FBXO27: variants seen among roughly 807,000 people sequenced by gnomAD.
FBXO27 encodes F-box protein 27.
Under a neutral mutation model 28.3 loss-of-function variants are expected in FBXO27, and 28 were observed. That is an observed-to-expected ratio of 0.99 (90% CI 0.73 to 1.36). The LOEUF (loss-of-function observed/expected upper bound fraction) is 1.36. FBXO27 is among the 40% of genes most tolerant of loss of function. The pLI, the probability that FBXO27 is intolerant of heterozygous loss-of-function variation, is 0.00. For missense variants in FBXO27, 388 were observed against 394.1 expected (o/e 0.98, Z 0.13); for synonymous variants, 175 against 167.3 (o/e 1.05, Z -0.36).
At chr19:39,017,508 A>C (rs2072825510) in intron 1 of FBXO27, among the ~76,000 whole-genome samples, 1 of 152,052 alleles carries the variant, frequency 6.6e-6, no homozygotes, top group Non-Finnish European at 1.5e-5. Context: ...AGCACAGCCA[A>C]CATAGTGAAA....
Position 39,025,373 on chromosome 19 carries a change from G to T in FBXO27, c.*38C>A. The T allele has an allele frequency of 6.3e-7, 1 of 1,592,688 alleles. No individual in the cohort carries two copies. On this transcript the variant is annotated 3_prime_UTR_variant, in exon 6 of 6. Transcript: ENST00000292853. ...AGCCAATGGTCCCAGGCCCTGGAAG[G>T]CACAGTCAGGCTGTCTTGCAAGAAG... is the stretch of plus-strand genomic sequence containing the variant.
rs77280255 is a variant in FBXO27, at chr19:39,014,916, G to A, written c.92-369C>T. Among the ~76,000 whole-genome samples, 8 of 151,864 alleles carry A rather than the reference G, an allele frequency of 5.3e-5. No individual in the cohort carries two copies. The East Asian group carries it at 1.4e-3, about 26-fold the overall frequency. ...GCCTGTAATCCCAACTACTTGGGAG[G>A]CTGAGGCAAGAGAATCACTTGAACC... On this transcript the variant is annotated intron_variant, in intron 1 of 2. Transcript: ENST00000598394.
intron 1 of FBXO27, among the ~76,000 whole-genome samples, chr19:39,018,746 C>T (rs1219407568): frequency 6.6e-6 from 1 of 152,136 alleles, no homozygotes; most frequent in Non-Finnish European, 1.5e-5. Flanking sequence ...AATCCTTGCA[C>T]TTTTTGTGAA....
At chr19:39,029,929 C>T (rs2072893034) in intron 4 of FBXO27, among the ~76,000 whole-genome samples, 1 of 152,188 alleles carries the variant, frequency 6.6e-6, no homozygotes, top group Admixed American at 6.6e-5. Flanking sequence ...GCAACCTCCA[C>T]TTCCCGGGTT....
At chr19:39,013,317 GC>G (rs1488913928) in intron 2 of FBXO27, among the ~76,000 whole-genome samples, 1 of 152,104 alleles carries the variant, frequency 6.6e-6, no homozygotes, top group Non-Finnish European at 1.5e-5. Flanking sequence ...ACAGCTTTTG[GC>G]AGGAATCACA....
At position 39,031,866 on chromosome 19, in the gene FBXO27, TG is replaced by T. The variant is rs1490166279; in HGVS notation, c.361del (p.Gln121LysfsTer35). On this transcript the variant is annotated frameshift_variant, in exon 2 of 6. Coordinates refer to ENST00000292853, the MANE Select transcript of FBXO27 (RefSeq NM_178820.5). LOFTEE classifies it high-confidence loss of function. ...GACTTCCTCTTCCGAGATCCCACCT[TG>T]GCCGCAGGGGTTGCGAATAAGGTTG... is the stretch of plus-strand genomic sequence containing the variant. Reference protein sequence around the residue: ...GRNLIRNPCGQEGLRKWMVQH... With the variant: ...GRNLIRNPCGXEGLRKWMVQH... 8.1e-6 allele frequency: 12 copies of T among 1,476,788 alleles called. No individual in the cohort carries two copies. The highest frequency in any genetic ancestry group is 8.9e-6 in the Non-Finnish European group (10 of 1,125,466). 91.5% of individuals were successfully genotyped at this position (1,476,788 alleles called of 1,614,324 possible).
intron 2 of FBXO27, among the ~76,000 whole-genome samples, chr19:39,007,057 C>CAAAAAAAAAAAAAAAAA (rs34457510): frequency 1.7e-5 from 1 of 57,624 alleles, no homozygotes; most frequent in Non-Finnish European, 2.9e-5. Context: ...TGGGTGTCTC[C>CAAAAAAAAAAAAAAAAA]AAAAAAAAAA....
At position 39,012,094 on chromosome 19, in the gene FBXO27, A is replaced by G. The variant is rs1170080205; in HGVS notation, c.252+2293T>C. Among the ~76,000 whole-genome samples, 5 of 151,298 alleles carry G rather than the reference A, an allele frequency of 3.3e-5. 1 individual carries two copies. The South Asian group carries it at 1.0e-3, about 32-fold the overall frequency. On this transcript the variant is annotated intron_variant, in intron 2 of 2. Coordinates refer to the FBXO27 transcript ENST00000598394. ...GTGATCCGCCCGTCTCGGCCTCCCA[A>G]AGTACTGGGATTACAGGCGTGAGCC...
chr19:39,007,792 G>A (rs1322373933), intron 2 of FBXO27, among the ~76,000 whole-genome samples: 1 of 152,040 alleles, frequency 6.6e-6, no homozygotes, highest in Admixed American at 6.6e-5. Flanking sequence ...ACGGGCACAT[G>A]CCACCACGCC....
At chr19:39,017,166 T>C (rs2072824215) in intron 1 of FBXO27, among the ~76,000 whole-genome samples, 1 of 152,212 alleles carries the variant, frequency 6.6e-6, no homozygotes, top group Admixed American at 6.6e-5. Flanking sequence ...TTACTGCTTC[T>C]TCCTTTCTCC....
intron 5 of FBXO27, among the ~76,000 whole-genome samples, chr19:39,026,259 G>C (rs1275941115): frequency 6.6e-6 from 1 of 152,096 alleles, no homozygotes; most frequent in African/African-American, 2.4e-5. Flanking sequence ...AGCCCAAGCA[G>C]AGAGATCCCA....
chr19:39,025,910 C>T (rs544591727), intron 5 of FBXO27, among the ~76,000 whole-genome samples: 21 of 151,710 alleles, frequency 1.4e-4, no homozygotes, highest in Admixed American at 1.3e-3. Flanking sequence ...CCCATCTACT[C>T]GGGAGGCTGA....
intron 5 of FBXO27, 28 bp from the exon 6 acceptor site, chr19:39,025,582 A>G: frequency 6.3e-7 from 1 of 1,598,526 alleles, no homozygotes; most frequent in Non-Finnish European, 8.5e-7. Flanking sequence ...GCTCAGCTCC[A>G]TTGTGCCACA....
chr19:39,032,297 C>T lies in FBXO27; in HGVS notation c.-26-44G>A, dbSNP rs1416921260. 7.3e-7 allele frequency: 1 copy of T among 1,373,366 alleles called. No homozygotes were observed. The highest frequency in any genetic ancestry group is 1.7e-5 in the African/African-American group (1 of 58,432). 85.1% of individuals were successfully genotyped at this position (1,373,366 alleles called of 1,614,324 possible). A position where few individuals can be genotyped will look rare whatever the true frequency, so the allele number is the denominator to read the frequency against. ...CAAGGCGTCAGGGACCAGCAGCCTC[C>T]GCGGCGCGCAGCCTCTGCCTGCCCT... On this transcript the variant is annotated intron_variant, in intron 1 of 5. Coordinates refer to ENST00000292853, the MANE Select transcript of FBXO27 (RefSeq NM_178820.5). The surrounding 1 kb of genome is among the most constrained non-coding windows in gnomAD (Gnocchi z 4.7).
At chr19:39,009,063 C>T (rs2072782945) in intron 2 of FBXO27, among the ~76,000 whole-genome samples, 1 of 152,212 alleles carries the variant, frequency 6.6e-6, no homozygotes, top group Non-Finnish European at 1.5e-5. Context: ...ATCAAGTGAT[C>T]TGCCCGCCTT....
intron 2 of FBXO27, among the ~76,000 whole-genome samples, chr19:39,011,903 T>C (rs4305198): frequency 6.7e-6 from 1 of 148,598 alleles, no homozygotes; most frequent in East Asian, 2.0e-4. Context: ...ATCTCGGCTC[T>C]CTGCAAGCTC....
downstream of FBXO27, among the ~76,000 whole-genome samples, chr19:39,019,267 C>G (rs2072833617): frequency 6.8e-6 from 1 of 147,706 alleles, no homozygotes; most frequent in South Asian, 2.1e-4. Context: ...ACTAAAAATA[C>G]AAAAAAACTT....
chr19:39,031,197 A>C lies in FBXO27; in HGVS notation c.476+12T>G. On this transcript the variant is annotated intron_variant, in intron 3 of 5. Transcript: ENST00000292853. ...ACAAGGGGCCGGACCTTTGGATAGC[A>C]GGGGCATTCACCTGAATGAAGTCAC... 6.2e-7 allele frequency: 1 copy of C among 1,613,886 alleles called. No individual in the cohort carries two copies. The highest frequency in any genetic ancestry group is 8.5e-7 in the Non-Finnish European group (1 of 1,179,788).
In FBXO27 at chr19:39,031,201, G is replaced by A; in HGVS notation, c.476+8C>T. On this transcript the variant is annotated splice_region_variant and intron_variant, in intron 3 of 5. Transcript: ENST00000292853. ...GGGGCCGGACCTTTGGATAGCAGGG[G>A]CATTCACCTGAATGAAGTCACGAAG... The A allele has an allele frequency of 6.2e-7, 1 of 1,613,710 alleles. No homozygotes were observed. The highest frequency in any genetic ancestry group is 8.5e-7 in the Non-Finnish European group (1 of 1,179,598).
Sources: gnomAD v4.1 joint callset for allele counts (sites outside exome capture counted in the v4.1 genomes callset) on GRCh38, gnomAD v4.1.1 for gene constraint, Gnocchi (gnomAD v3.1) non-coding constraint, MANE v1.5 for transcripts, NCBI Gene and HGNC (gene_info 2026-07-23, HGNC 2026-07-21) for gene names.